MTF1: variants seen among roughly 807,000 people sequenced by gnomAD.
MTF1 encodes the protein metal regulatory transcription factor 1.
A neutral mutation model predicts 70.4 loss-of-function variants in MTF1; 22 were observed. The ratio of observed to expected loss-of-function variants is 0.31; its 90% CI spans 0.22 to 0.45. The LOEUF (loss-of-function observed/expected upper bound fraction) is 0.45. Among genes scored for constraint, MTF1 ranks in the 20% least tolerant of loss-of-function variants. The pLI is 1.00. For missense variants in MTF1, 649 were observed against 922.0 expected, an observed-to-expected ratio of 0.70 and a Z score of 3.83; for synonymous variants, 333 against 352.8, an observed-to-expected ratio of 0.94 and a Z score of 0.63.
chr1:37,818,972 AAC>A (rs1640866941), intron 9 of MTF1, among the ~76,000 whole-genome samples: 1 of 151,474 alleles, frequency 6.6e-6, no homozygotes, highest in African/African-American at 2.4e-5. Context: ...CAGCCTGGAC[AAC>A]AGAGTGAGAC....
intron 7 of MTF1, among the ~76,000 whole-genome samples, chr1:37,825,972 G>A (rs1640996207): frequency 6.6e-6 from 1 of 152,152 alleles, no homozygotes; most frequent in Admixed American, 6.5e-5. Context: ...GTTATACTAG[G>A]ATTTGGTTGT....
intron 7 of MTF1, among the ~76,000 whole-genome samples, chr1:37,830,309 CT>C (rs920609965): frequency 1.3e-5 from 2 of 152,100 alleles, no homozygotes; most frequent in African/African-American, 4.8e-5. Flanking sequence ...TCAACTGATT[CT>C]TTCTTCTGTC....
At chr1:37,842,919 G>A (rs2148416223) in intron 2 of MTF1, among the ~76,000 whole-genome samples, 1 of 152,278 alleles carries the variant, frequency 6.6e-6, no homozygotes, top group African/African-American at 2.4e-5. Context: ...GGACTACTGG[G>A]GTCAGGGTCC....
chr1:37,821,073 A>G (rs1446271838), intron 9 of MTF1, among the ~76,000 whole-genome samples: 1 of 151,976 alleles, frequency 6.6e-6, no homozygotes, highest in Non-Finnish European at 1.5e-5. Flanking sequence ...CCAGTTAGGA[A>G]GCTAAGGTGG....
chr1:37,812,097 C>T lies in MTF1; in HGVS notation c.*3039G>A, dbSNP rs750335420. On this transcript the variant is annotated 3_prime_UTR_variant, in exon 11 of 11. Coordinates refer to ENST00000373036, the MANE Select transcript of MTF1 (RefSeq NM_005955.3). ...TTAGTAGGAGCTAGAAGATAACGTACAGGGTGAAAATGGTTAAGTTTACTA... is the reference window on the plus strand; with the variant it reads ...TTAGTAGGAGCTAGAAGATAACGTATAGGGTGAAAATGGTTAAGTTTACTA... The T allele has an allele frequency of 1.3e-5, 2 of 152,660 alleles. No individual in the cohort carries two copies. The highest frequency in any genetic ancestry group is 2.9e-5 in the Non-Finnish European group (2 of 68,048). The allele number at this position is 152,660 out of a possible 1,614,324, so 9.5% of individuals were successfully genotyped here.
chr1:37,854,920 G>A (rs1641468414), intron 2 of MTF1, among the ~76,000 whole-genome samples: 1 of 152,210 alleles, frequency 6.6e-6, no homozygotes, highest in South Asian at 2.1e-4. Flanking sequence ...TTAGCTGGGT[G>A]TGGTAGCGCA....
intron 2 of MTF1, among the ~76,000 whole-genome samples, chr1:37,852,635 C>CTT (rs35724646): frequency 2.3e-4 from 34 of 148,288 alleles, no homozygotes; most frequent in South Asian, 4.3e-4. Flanking sequence ...GATTCAAAAC[C>CTT]TTTTTTTTTT....
At chr1:37,818,537 T>G (rs2148399571) in intron 9 of MTF1, among the ~76,000 whole-genome samples, 1 of 150,532 alleles carries the variant, frequency 6.6e-6, no homozygotes, top group African/African-American at 2.4e-5. Flanking sequence ...ACTCCATCTC[T>G]ACTAAAAATA....
chr1:37,834,152 A>T, intron 6 of MTF1, among the ~76,000 whole-genome samples: 1 of 152,156 alleles, frequency 6.6e-6, no homozygotes, highest in East Asian at 1.9e-4. Flanking sequence ...GGTGGAGGTC[A>T]CAGTGAGCAG....
intron 2 of MTF1, among the ~76,000 whole-genome samples, chr1:37,850,566 A>AAG (rs59048233): frequency 0.042 from 6,113 of 146,616 alleles, 283 homozygotes; most frequent in East Asian, 0.21. Context: ...GGGAGAGAGA[A>AAG]AGAGAGAGAG....
chr1:37,818,609 C>T (rs1361806062), intron 9 of MTF1, among the ~76,000 whole-genome samples: 1 of 151,794 alleles, frequency 6.6e-6, no homozygotes, highest in Non-Finnish European at 1.5e-5. Flanking sequence ...GAGGCTGAGG[C>T]AGGAGAATGG....
chr1:37,816,704 A>G (rs564591690), intron 10 of MTF1, among the ~76,000 whole-genome samples: 1 of 151,774 alleles, frequency 6.6e-6, no homozygotes, highest in African/African-American at 2.4e-5. Flanking sequence ...AAGAAAAAAA[A>G]GAAAATTAGC....
Position 37,841,667 on chromosome 1 carries a change from C to T in MTF1, c.409-1509G>A, listed in dbSNP as rs74816707. ...TCTGTGCAGAGGACCCAGGCTCCAA[C>T]TGTGGCTATAACACAGGAATTTTAC... On this transcript the variant is annotated intron_variant, in intron 2 of 10. Coordinates refer to ENST00000373036, the MANE Select transcript of MTF1 (RefSeq NM_005955.3). The T allele has an allele frequency of 5.9e-3, 957 of 162,158 alleles. 52 individuals are homozygous for T. In the East Asian group the frequency reaches 0.13, roughly 22 times the overall value. 10.0% of individuals were successfully genotyped at this position (162,158 alleles called of 1,614,324 possible).
rs894961032 is a variant in MTF1 at position 37,840,799 on chromosome 1, G to C, written c.409-641C>G. Among the ~76,000 whole-genome samples the C allele has an allele frequency of 5.9e-5, 9 of 151,728 alleles. No individual in the cohort carries two copies. Among genetic ancestry groups the C allele is most frequent in the Non-Finnish European group, 1.0e-4 (7 of 67,908 alleles). The stretch of plus-strand genomic sequence containing the variant: ...GCAGAAGGTTAAGAAAAAAAAAAAA[G>C]CTGCTTCTCCGACAAATATCAAATG... On this transcript the variant is annotated intron_variant, in intron 2 of 10. Coordinates refer to ENST00000373036, the MANE Select transcript of MTF1 (RefSeq NM_005955.3). The surrounding 1 kb of genome is among the most constrained non-coding windows in gnomAD (Gnocchi z 4.5).
chr1:37,853,296 T>C (rs1641443913), intron 2 of MTF1, among the ~76,000 whole-genome samples: 1 of 152,230 alleles, frequency 6.6e-6, no homozygotes, highest in Admixed American at 6.5e-5. Context: ...CTGCCTTCCA[T>C]GTTTGGATCT....
intron 4 of MTF1, 89 bp from the exon 5 acceptor site, chr1:37,835,833 C>A: frequency 4.4e-6 from 5 of 1,129,288 alleles, no homozygotes; most frequent in Non-Finnish European, 5.3e-6. Flanking sequence ...TCGAGTCTCG[C>A]TCTGTCCCCA....
At chr1:37,824,122 C>T (rs1640964565) in intron 7 of MTF1, among the ~76,000 whole-genome samples, 1 of 152,176 alleles carries the variant, frequency 6.6e-6, no homozygotes. Context: ...GTTAGGATTA[C>T]AGGCATGAGC....
Position 37,809,696 on chromosome 1 carries a change from G to A in MTF1, c.*5440C>T, listed in dbSNP as rs1379923279. ...ACAATATTAAGTTTATACAAAATGA[G>A]CAATTAAGCAAACACCATTATTTCA... is the stretch of plus-strand genomic sequence containing the variant. On this transcript the variant is annotated 3_prime_UTR_variant, in exon 11 of 11. Transcript: ENST00000373036. The A allele has an allele frequency of 6.5e-6, 1 of 152,736 alleles. No individual in the cohort carries two copies. The highest frequency in any genetic ancestry group is 1.5e-5 in the Non-Finnish European group (1 of 68,170). The allele number at this position is 152,736 out of a possible 1,614,324, so 9.5% of individuals were successfully genotyped here. A position where few individuals can be genotyped will look rare whatever the true frequency, so the allele number is the denominator to read the frequency against.
rs1000145812 is a variant in MTF1, at chr1:37,810,872, G to T, written c.*4264C>A. The T allele has an allele frequency of 6.6e-6, 1 of 152,262 alleles. No individual in the cohort carries two copies. The highest frequency in any genetic ancestry group is 2.1e-4 in the South Asian group (1 of 4,828). The allele number at this position is 152,262 out of a possible 1,614,324, so 9.4% of individuals were successfully genotyped here. A position where few individuals can be genotyped will look rare whatever the true frequency, so the allele number is the denominator to read the frequency against. ...GAAGGCTGGAGGCCTTTTTGCTTAA[G>T]GAACCAACACAGGTAGTATGGGGAG... On this transcript the variant is annotated 3_prime_UTR_variant, in exon 11 of 11. Coordinates refer to ENST00000373036, the MANE Select transcript of MTF1 (RefSeq NM_005955.3).
Sources: gnomAD v4.1 joint callset for allele counts (sites outside exome capture counted in the v4.1 genomes callset) on GRCh38, gnomAD v4.1.1 for gene constraint, Gnocchi (gnomAD v3.1) non-coding constraint, MANE v1.5 for transcripts, NCBI Gene and HGNC (gene_info 2026-07-23, HGNC 2026-07-21) for gene names.